Variants in SEMA6D observed in about 807,000 individuals in gnomAD.
SEMA6D encodes semaphorin-6D.
A neutral mutation model predicts 106.6 loss-of-function variants in SEMA6D; 35 were observed. That is an observed-to-expected ratio of 0.33 (90% CI 0.25 to 0.44). The LOEUF is 0.44. SEMA6D is among the 20% of genes least tolerant of loss of function. The probability of loss-of-function intolerance (pLI) is 1.00; values close to 1 mark genes in which losing one functional copy is unlikely to be tolerated. For synonymous variants in SEMA6D, 499 were observed against 487.7 expected, an observed-to-expected ratio of 1.02 and a Z score of -0.31; for missense variants, 1,185 against 1,345.9, an observed-to-expected ratio of 0.88 and a Z score of 1.87.
intron 4 of SEMA6D, among the ~76,000 whole-genome samples, chr15:47,616,775 G>A (rs933787902): frequency 1.3e-5 from 2 of 152,106 alleles, no homozygotes; most frequent in African/African-American, 2.4e-5. Context: ...GTGTTGTATA[G>A]GCTGTACACA....
chr15:47,657,486 G>T (rs1207165577), intron 4 of SEMA6D, among the ~76,000 whole-genome samples: 1 of 151,762 alleles, frequency 6.6e-6, no homozygotes, highest in Non-Finnish European at 1.5e-5. Context: ...TTGAACTAGG[G>T]ATTACAGGTA....
At chr15:47,519,638 G>A (rs935473142) in intron 3 of SEMA6D, among the ~76,000 whole-genome samples, 14 of 152,146 alleles carry the variant, frequency 9.2e-5, no homozygotes, top group Admixed American at 7.9e-4. Flanking sequence ...CTTGCCCAGG[G>A]ATGTAGCTTC....
intron 2 of SEMA6D, among the ~76,000 whole-genome samples, chr15:47,469,341 C>CGTGTGTGT (rs113272376): frequency 2.9e-4 from 42 of 147,114 alleles, no homozygotes; most frequent in African/African-American, 1.0e-3. Context: ...CACGCATGTG[C>CGTGTGTGT]GTGTGTGTGT....
chr15:47,634,897 A>G (rs1406385425), intron 4 of SEMA6D, among the ~76,000 whole-genome samples: 2 of 152,172 alleles, frequency 1.3e-5, no homozygotes, highest in African/African-American at 4.8e-5. Flanking sequence ...TTTTTCCTGC[A>G]TGTCTGACTG....
At chr15:47,584,890 C>T (rs965883199) in intron 3 of SEMA6D, among the ~76,000 whole-genome samples, 14 of 152,148 alleles carry the variant, frequency 9.2e-5, no homozygotes, top group African/African-American at 3.4e-4. Context: ...GGTTTCTAGA[C>T]CAAGTGACTT....
At chr15:47,478,777 T>G (rs572801385) in intron 3 of SEMA6D, among the ~76,000 whole-genome samples, 1 of 152,072 alleles carries the variant, frequency 6.6e-6, no homozygotes, top group Non-Finnish European at 1.5e-5. Context: ...ATACCCAACA[T>G]TGGGAAATTT....
intron 1 of SEMA6D, among the ~76,000 whole-genome samples, chr15:47,305,800 C>A (rs969943030): frequency 2.6e-5 from 4 of 152,148 alleles, no homozygotes; most frequent in African/African-American, 9.7e-5. Flanking sequence ...GGTTGAGATG[C>A]CAGCAAGGCA....
intron 1 of SEMA6D, among the ~76,000 whole-genome samples, chr15:47,401,807 C>T (rs189698174): frequency 1.3e-5 from 2 of 152,220 alleles, no homozygotes; most frequent in Admixed American, 6.5e-5. Flanking sequence ...TCTTCTCTTA[C>T]TTTTTAAGTC....
chr15:47,369,587 A>G (rs770875384), intron 1 of SEMA6D, among the ~76,000 whole-genome samples: 12 of 152,230 alleles, frequency 7.9e-5, no homozygotes, highest in Admixed American at 2.0e-4. Context: ...TTAGGATGAA[A>G]TGTGATTCAT....
intron 3 of SEMA6D, among the ~76,000 whole-genome samples, chr15:47,530,481 A>G (rs2044924855): frequency 6.6e-6 from 1 of 152,242 alleles, no homozygotes; most frequent in African/African-American, 2.4e-5. Context: ...TAAAATATAT[A>G]CGTAAACTCA....
intron 2 of SEMA6D, among the ~76,000 whole-genome samples, chr15:47,463,243 AT>A (rs1250060480): frequency 7.9e-5 from 12 of 152,012 alleles, no homozygotes; most frequent in Non-Finnish European, 1.6e-4. Context: ...CCCTAGAAAT[AT>A]TTTTCAAGCC....
At chr15:47,237,971 C>T (rs1595789730) in intron 1 of SEMA6D, among the ~76,000 whole-genome samples, 1 of 152,160 alleles carries the variant, frequency 6.6e-6, no homozygotes, top group African/African-American at 2.4e-5. Context: ...GAAAGGTCAG[C>T]GGTTACAGGG....
chr15:47,407,874 G>A (rs538453805), intron 1 of SEMA6D, among the ~76,000 whole-genome samples: 8 of 152,224 alleles, frequency 5.3e-5, no homozygotes, highest in African/African-American at 1.7e-4. Flanking sequence ...TCATCCTTTC[G>A]CAGGGGGATG....
intron 3 of SEMA6D, among the ~76,000 whole-genome samples, chr15:47,583,430 C>T (rs2076286287): frequency 6.6e-6 from 1 of 152,268 alleles, no homozygotes; most frequent in African/African-American, 2.4e-5. Context: ...CAAGGATGTT[C>T]TCTGGGGATT....
At chr15:47,525,402 A>G (rs757476789) in intron 3 of SEMA6D, 1 of 152,238 alleles carries the variant, frequency 6.6e-6, no homozygotes, top group Admixed American at 6.5e-5. Flanking sequence ...TCTCTGCTGC[A>G]TAGTTGGTCA....
intron 4 of SEMA6D, among the ~76,000 whole-genome samples, chr15:47,647,719 CAAA>C (rs777557315): frequency 6.4e-5 from 6 of 93,804 alleles, no homozygotes; most frequent in African/African-American, 1.3e-4. Context: ...CAATTGTGGG[CAAA>C]AAAAAAAAAA....
intron 4 of SEMA6D, among the ~76,000 whole-genome samples, chr15:47,695,698 A>G (rs893365901): frequency 1.3e-5 from 2 of 152,198 alleles, no homozygotes; most frequent in African/African-American, 4.8e-5. Context: ...TTAGTCCCCA[A>G]AACTAGTATA....
chr15:47,439,109 T>G (rs1371395483), intron 2 of SEMA6D, among the ~76,000 whole-genome samples: 1 of 152,110 alleles, frequency 6.6e-6, no homozygotes, highest in Non-Finnish European at 1.5e-5. Context: ...CTGATTTTTG[T>G]GCAATGAAGT....
chr15:47,721,030 A>G (rs1406733695), intron 1 of SEMA6D, among the ~76,000 whole-genome samples: 4 of 152,246 alleles, frequency 2.6e-5, no homozygotes, highest in Non-Finnish European at 4.4e-5. Flanking sequence ...AGCAAGAAGC[A>G]GTTGGGGTAT....
Sources: gnomAD v4.1 joint callset for allele counts (sites outside exome capture counted in the v4.1 genomes callset) on GRCh38, gnomAD v4.1.1 for gene constraint, MANE v1.5 for transcripts, NCBI Gene and HGNC (gene_info 2026-07-23, HGNC 2026-07-21) for gene names.